Variants in CCSER1 observed in about 807,000 individuals in gnomAD.
CCSER1 encodes the protein serine-rich coiled-coil domain-containing protein 1.
A neutral mutation model predicts 82.0 loss-of-function variants in CCSER1; 41 were observed. The observed-to-expected ratio is 0.50, with a 90% CI of 0.39 to 0.65. CCSER1 has a LOEUF of 0.65. Among genes scored for constraint, CCSER1 ranks in the 30% least tolerant of loss-of-function variants. The pLI, the probability that CCSER1 is intolerant of heterozygous loss-of-function variation, is 0.00. For missense variants in CCSER1, 1,119 were observed against 1,064.2 expected (o/e 1.05, Z -0.72); for synonymous variants, 414 against 383.9 (o/e 1.08, Z -0.92).
chr4:90,475,212 C>T (rs1318374975), intron 5 of CCSER1, among the ~76,000 whole-genome samples: 2 of 152,192 alleles, frequency 1.3e-5, no homozygotes, highest in African/African-American at 4.8e-5. Context: ...TACCCTCCAT[C>T]ACTTCGTGCC....
intron 7 of CCSER1, among the ~76,000 whole-genome samples, chr4:90,742,317 A>C (rs1746687543): frequency 6.6e-6 from 1 of 152,180 alleles, no homozygotes; most frequent in African/African-American, 2.4e-5. Context: ...TGAATTTTAG[A>C]GGTTGAATCA....
rs778015317 is a variant in CCSER1, at chr4:90,456,574, A to G, written c.1604-11660A>G. On this transcript the variant is annotated intron_variant, in intron 4 of 10. Transcript: ENST00000509176. The stretch of plus-strand genomic sequence containing the variant: ...CAGGACCTCCTTCTGATCCCACACG[A>G]TGGCTAGACCTCCATGAAGGGAAAC... Among the ~76,000 whole-genome samples the G allele has an allele frequency of 2.6e-5, 4 of 152,086 alleles. No homozygotes were observed. In the South Asian group the frequency reaches 8.3e-4, roughly 32 times the overall value.
At chr4:91,569,469 C>A (rs1560770900) in intron 10 of CCSER1, among the ~76,000 whole-genome samples, 1 of 152,134 alleles carries the variant, frequency 6.6e-6, no homozygotes, top group African/African-American at 2.4e-5. Flanking sequence ...ATACCAGAGA[C>A]TGAGTACTTT....
chr4:90,949,355 C>T (rs1238560685), intron 9 of CCSER1, among the ~76,000 whole-genome samples: 1 of 151,816 alleles, frequency 6.6e-6, no homozygotes, highest in Non-Finnish European at 1.5e-5. Context: ...AAACACATAA[C>T]AAAATAAATA....
intron 9 of CCSER1, among the ~76,000 whole-genome samples, chr4:90,942,995 G>T (rs1731775816): frequency 6.7e-6 from 1 of 149,702 alleles, no homozygotes; most frequent in African/African-American, 2.4e-5. Context: ...CCCCTGTAAG[G>T]AAGAATAAGC....
chr4:90,477,134 A>T (rs573145147), intron 5 of CCSER1, among the ~76,000 whole-genome samples: 1 of 152,338 alleles, frequency 6.6e-6, no homozygotes, highest in Non-Finnish European at 1.5e-5. Flanking sequence ...AAGATATTTT[A>T]TTTGAATGTG....
intron 10 of CCSER1, among the ~76,000 whole-genome samples, chr4:91,448,565 T>C (rs1020875757): frequency 2.0e-4 from 30 of 152,086 alleles, no homozygotes; most frequent in Non-Finnish European, 3.8e-4. Context: ...AGTGTTTCTA[T>C]ATTTTTATCT....
chr4:90,464,589 T>G (rs1763373532), intron 4 of CCSER1, among the ~76,000 whole-genome samples: 1 of 152,208 alleles, frequency 6.6e-6, no homozygotes, highest in Admixed American at 6.5e-5. Flanking sequence ...TATTCTGCAC[T>G]TCATGCAATA....
intron 10 of CCSER1, among the ~76,000 whole-genome samples, chr4:91,251,594 A>G (rs1187335238): frequency 6.6e-6 from 1 of 152,170 alleles, no homozygotes; most frequent in Non-Finnish European, 1.5e-5. Flanking sequence ...CTATGCCTAC[A>G]CACATTTGTG....
At chr4:91,192,219 C>T (rs1735059189) in intron 10 of CCSER1, among the ~76,000 whole-genome samples, 1 of 152,054 alleles carries the variant, frequency 6.6e-6, no homozygotes, top group Admixed American at 6.6e-5. Flanking sequence ...ATGGACTTGC[C>T]TTTTAATTGT....
chr4:90,414,366 G>A (rs62312940), intron 4 of CCSER1, among the ~76,000 whole-genome samples: 1 of 151,456 alleles, frequency 6.6e-6, no homozygotes, highest in Non-Finnish European at 1.5e-5. Context: ...CATTTTTTGT[G>A]AAATAATACA....
At chr4:90,695,525 CT>C (rs1171125196) in intron 6 of CCSER1, among the ~76,000 whole-genome samples, 4 of 151,798 alleles carry the variant, frequency 2.6e-5, no homozygotes, top group Non-Finnish European at 4.4e-5. Context: ...AATGTCAGAC[CT>C]AGAAAGGAGT....
chr4:90,712,835 A>T (rs183266260), intron 6 of CCSER1, among the ~76,000 whole-genome samples: 1 of 148,884 alleles, frequency 6.7e-6, no homozygotes, highest in Non-Finnish European at 1.5e-5. Flanking sequence ...TTGAGTGTAT[A>T]TATATTTAGG....
chr4:91,288,537 G>T (rs1743496705), intron 10 of CCSER1, among the ~76,000 whole-genome samples: 1 of 151,930 alleles, frequency 6.6e-6, no homozygotes, highest in African/African-American at 2.4e-5. Context: ...GCTCTTTATA[G>T]ACCTCACTGA....
intron 1 of CCSER1, among the ~76,000 whole-genome samples, chr4:90,148,430 T>C (rs1353460438): frequency 6.6e-6 from 1 of 152,174 alleles, no homozygotes; most frequent in Non-Finnish European, 1.5e-5. Context: ...GTTAGTATAC[T>C]TGGATTGACA....
intron 7 of CCSER1, among the ~76,000 whole-genome samples, chr4:90,728,089 T>C (rs2149391040): frequency 6.6e-6 from 1 of 152,290 alleles, no homozygotes; most frequent in South Asian, 2.1e-4. Context: ...CTTGGCCCAT[T>C]GACTACTGCT....
At chr4:91,148,151 G>A (rs766465389) in intron 10 of CCSER1, among the ~76,000 whole-genome samples, 7 of 152,132 alleles carry the variant, frequency 4.6e-5, no homozygotes, top group Non-Finnish European at 1.0e-4. Context: ...TGCAATATAT[G>A]TAGTGCAAAA....
intron 1 of CCSER1, among the ~76,000 whole-genome samples, chr4:90,288,321 G>A (rs943275000): frequency 4.6e-5 from 7 of 151,970 alleles, no homozygotes; most frequent in African/African-American, 1.7e-4. Context: ...ACTTGATTCT[G>A]CCTCTGCTGG....
chr4:91,259,781 T>G (rs1740970861), intron 10 of CCSER1, among the ~76,000 whole-genome samples: 1 of 152,228 alleles, frequency 6.6e-6, no homozygotes, highest in Non-Finnish European at 1.5e-5. Flanking sequence ...TCATCTTTTT[T>G]ATGGCCGCAT....
Sources: allele counts gnomAD v4.1 joint callset (sites outside exome capture counted in the v4.1 genomes callset), GRCh38; gene constraint gnomAD v4.1.1; transcripts MANE v1.5; gene names NCBI Gene and HGNC (gene_info 2026-07-23, HGNC 2026-07-21).